The following SGCD variants were observed in gnomAD, a reference collection of about 807,000 sequenced individuals.
The protein encoded by SGCD is delta-sarcoglycan.
A neutral mutation model predicts 36.6 loss-of-function variants in SGCD; 18 were observed. That is an observed-to-expected ratio of 0.49 (90% CI 0.34 to 0.73). SGCD has a LOEUF of 0.73. Among genes scored for constraint, SGCD ranks in the 30% least tolerant of loss-of-function variants. The pLI is 0.01. For missense variants in SGCD, 387 were observed against 346.7 expected, an observed-to-expected ratio of 1.12 and a Z score of -0.92; for synonymous variants, 133 against 130.6, an observed-to-expected ratio of 1.02 and a Z score of -0.12.
intron 1 of SGCD, among the ~76,000 whole-genome samples, chr5:155,977,967 G>A (rs773616673): frequency 6.6e-5 from 10 of 152,164 alleles, no homozygotes; most frequent in Admixed American, 1.3e-4. Flanking sequence ...GGTGGTGCAT[G>A]CCTGTAGTCC....
At chr5:156,535,015 T>G (rs1410454278) in intron 4 of SGCD, among the ~76,000 whole-genome samples, 1 of 152,222 alleles carries the variant, frequency 6.6e-6, no homozygotes, top group African/African-American at 2.4e-5. Flanking sequence ...CTCAGTTGAC[T>G]CATTTTGAAT....
intron 3 of SGCD, among the ~76,000 whole-genome samples, chr5:156,194,701 A>C (rs1382826138): frequency 6.6e-6 from 1 of 152,070 alleles, no homozygotes; most frequent in African/African-American, 2.4e-5. Context: ...ATTGATGGAT[A>C]ATATGATATA....
chr5:156,335,786 G>A (rs1437342407), intron 2 of SGCD, among the ~76,000 whole-genome samples: 5 of 152,070 alleles, frequency 3.3e-5, no homozygotes, highest in African/African-American at 9.7e-5. Context: ...CATGTCTCAA[G>A]CCACAGAGAA....
intron 3 of SGCD, among the ~76,000 whole-genome samples, chr5:156,224,595 G>A (rs991018096): frequency 3.3e-5 from 5 of 152,126 alleles, no homozygotes; most frequent in African/African-American, 4.8e-5. Context: ...AAGTTTTGAT[G>A]TTACTAGTCT....
At chr5:156,068,330 T>A (rs1332120283) in intron 1 of SGCD, among the ~76,000 whole-genome samples, 2 of 151,386 alleles carry the variant, frequency 1.3e-5, no homozygotes, top group Non-Finnish European at 2.9e-5. Context: ...TGTCCATGTG[T>A]TCTCATTGTT....
In SGCD at chr5:156,576,728, G is replaced by C. The variant is rs566819336; in HGVS notation, c.295-12503G>C. On this transcript the variant is annotated intron_variant, in intron 4 of 8. Coordinates refer to ENST00000337851, the MANE Select transcript of SGCD (RefSeq NM_000337.6). Reference sequence around the variant, plus strand: ...GTTGGCTGCATAAATGTCTTCTTTTGAAAAGTGTCTGTTCATATCCTTTGC... The same window carrying C: ...GTTGGCTGCATAAATGTCTTCTTTTCAAAAGTGTCTGTTCATATCCTTTGC... Among the ~76,000 whole-genome samples, 243 of 152,194 alleles carry C rather than the reference G, an allele frequency of 1.6e-3. 1 individual carries two copies. Among genetic ancestry groups the C allele is most frequent in the African/African-American group, 5.5e-3 (227 of 41,526 alleles).
rs1052184118 is a variant in SGCD at position 156,548,478 on chromosome 5, G to T, written c.294+39776G>T. 4.6e-5 allele frequency among the ~76,000 whole-genome samples: 7 copies of T among 152,122 alleles called. No individual in the cohort carries two copies. In the East Asian group the frequency reaches 1.2e-3, roughly 25 times the overall value. On this transcript the variant is annotated intron_variant, in intron 4 of 8. Transcript: ENST00000337851. ...TTTGCTGAGAGACAAGAGCATATAG[G>T]GTTAAAGACCATAATCTTGGAGGAA...
chr5:156,303,698 G>A lies in SGCD; in HGVS notation c.-43-25836G>A, dbSNP rs149023382. 2.1e-3 allele frequency among the ~76,000 whole-genome samples: 324 copies of A among 151,650 alleles called. 2 individuals carry two copies. Among genetic ancestry groups the A allele is most frequent in the African/African-American group, 7.5e-3 (311 of 41,344 alleles). On this transcript the variant is annotated intron_variant, in intron 3 of 9. Transcript: ENST00000517913. ...TGATGAATCCTACCAGGACTGGTAG[G>A]ATTCCCAGGGAAGCAGCTTCCGTTA...
At chr5:155,965,499 G>T (rs1301192570) in intron 1 of SGCD, among the ~76,000 whole-genome samples, 1 of 152,074 alleles carries the variant, frequency 6.6e-6, no homozygotes. Context: ...AGAGACAAAA[G>T]CTGCAGGATC....
chr5:156,512,159 A>C (rs1756961689), intron 4 of SGCD, among the ~76,000 whole-genome samples: 1 of 139,380 alleles, frequency 7.2e-6, no homozygotes, highest in Non-Finnish European at 1.5e-5. Context: ...GTGCCACTGC[A>C]CTCTAGCCTG....
intron 6 of SGCD, among the ~76,000 whole-genome samples, chr5:156,614,433 G>A (rs911119300): frequency 1.3e-5 from 2 of 152,264 alleles, no homozygotes; most frequent in African/African-American, 2.4e-5. Flanking sequence ...ACAATGAGAG[G>A]GAAAGAGAAT....
intron 1 of SGCD, among the ~76,000 whole-genome samples, chr5:156,032,365 A>G (rs890546878): frequency 6.6e-6 from 1 of 151,966 alleles, no homozygotes; most frequent in East Asian, 1.9e-4. Flanking sequence ...AGTCTTATTC[A>G]AATTTATTTC....
At chr5:155,984,693 C>A (rs997767015) in intron 1 of SGCD, among the ~76,000 whole-genome samples, 3 of 152,114 alleles carry the variant, frequency 2.0e-5, no homozygotes, top group East Asian at 1.9e-4. Context: ...ATCTCTGGAT[C>A]CTTATGTCCC....
intron 1 of SGCD, among the ~76,000 whole-genome samples, chr5:155,897,496 A>C (rs1580978206): frequency 6.6e-6 from 1 of 152,298 alleles, no homozygotes; most frequent in East Asian, 1.9e-4. Flanking sequence ...ATTTTCTTTA[A>C]TAATAAATTA....
At chr5:155,914,733 G>A (rs1756702555) in intron 1 of SGCD, among the ~76,000 whole-genome samples, 1 of 152,110 alleles carries the variant, frequency 6.6e-6, no homozygotes, top group Non-Finnish European at 1.5e-5. Flanking sequence ...TCCTTTTATT[G>A]GAGGGAAGTG....
chr5:156,254,726 G>A (rs2127662539), intron 3 of SGCD, among the ~76,000 whole-genome samples: 1 of 152,076 alleles, frequency 6.6e-6, no homozygotes, highest in Admixed American at 6.6e-5. Flanking sequence ...ATATGCCTGT[G>A]GCCCAAGCTA....
intron 4 of SGCD, among the ~76,000 whole-genome samples, chr5:156,528,118 A>T (rs1342807409): frequency 2.0e-5 from 3 of 152,208 alleles, no homozygotes; most frequent in Non-Finnish European, 4.4e-5. Flanking sequence ...AGGCAGTACT[A>T]CATGGTATTT....
chr5:156,127,149 A>G (rs1055355219), intron 3 of SGCD, among the ~76,000 whole-genome samples: 1 of 152,228 alleles, frequency 6.6e-6, no homozygotes, highest in African/African-American at 2.4e-5. Flanking sequence ...GAATACATAC[A>G]CAAATACATA....
chr5:156,423,239 ATATTT>A (rs377552041), intron 3 of SGCD, among the ~76,000 whole-genome samples: 5 of 858 alleles, frequency 5.8e-3, no homozygotes, highest in Non-Finnish European at 2.1e-3. Flanking sequence ...GTATTATATT[ATATTT>A]TATAATATTA....
Sources: allele counts gnomAD v4.1 joint callset (sites outside exome capture counted in the v4.1 genomes callset), GRCh38; gene constraint gnomAD v4.1.1; transcripts MANE v1.5; gene names NCBI Gene and HGNC (gene_info 2026-07-23, HGNC 2026-07-21).